Variants in RASEF observed in about 807,000 individuals in gnomAD.
RASEF encodes RAS and EF-hand domain containing.
RASEF carries 68 observed loss-of-function variants against 90.1 expected under a neutral mutation model. That is an observed-to-expected ratio of 0.75 (90% confidence interval 0.62 to 0.92). The LOEUF (loss-of-function observed/expected upper bound fraction) is 0.92, where lower values mean the gene tolerates loss of function less well. Ranked by LOEUF, RASEF falls within the 40% of genes least tolerant of loss-of-function variation. The pLI, the probability that RASEF is intolerant of heterozygous loss-of-function variation, is 0.00. For missense variants in RASEF, 949 were observed against 937.2 expected (o/e 1.01, Z -0.16); for synonymous variants, 331 against 345.2 (o/e 0.96, Z 0.46).
chr9:82,985,157 C>G (rs145825580), intron 16 of RASEF, among the ~76,000 whole-genome samples: 2 of 152,068 alleles, frequency 1.3e-5, no homozygotes, highest in African/African-American at 4.8e-5. Flanking sequence ...TGTATTAGTT[C>G]GTTTTCACGC....
At chr9:83,035,004 A>C (rs779342131) in intron 1 of RASEF, among the ~76,000 whole-genome samples, 2 of 152,054 alleles carry the variant, frequency 1.3e-5, no homozygotes, top group Admixed American at 6.6e-5. Flanking sequence ...TCTCCTGTCC[A>C]TGTCTGGGTG....
intron 3 of RASEF, among the ~76,000 whole-genome samples, chr9:83,018,788 A>T (rs1401072443): frequency 1.3e-5 from 2 of 152,186 alleles, no homozygotes; most frequent in Non-Finnish European, 1.5e-5. Context: ...AGGTATCAAG[A>T]CAATGTAATA....
intron 2 of RASEF, 35 bp downstream of exon 2, chr9:83,025,740 C>T (rs937115509): frequency 1.2e-5 from 19 of 1,604,290 alleles, no homozygotes; most frequent in Admixed American, 1.7e-5. Context: ...AGTTAAAGCA[C>T]CCACAGGCCA....
At chr9:83,185,155 A>T in the RASEF span, among the ~76,000 whole-genome samples, 1 of 152,144 alleles carries the variant, frequency 6.6e-6, no homozygotes. Context: ...CACAGTGATC[A>T]TTTTTATCAT....
At chr9:83,055,961 T>G (rs1830095518) in intron 1 of RASEF, among the ~76,000 whole-genome samples, 1 of 152,172 alleles carries the variant, frequency 6.6e-6, no homozygotes, top group South Asian at 2.1e-4. Flanking sequence ...TAGAAACTCC[T>G]GAGTATTTAA....
At chr9:83,198,195 C>T in the RASEF span, among the ~76,000 whole-genome samples, 1 of 152,120 alleles carries the variant, frequency 6.6e-6, no homozygotes, top group East Asian at 1.9e-4. Context: ...GCAAAATTAC[C>T]CCAAAACATA....
intron 1 of RASEF, among the ~76,000 whole-genome samples, chr9:83,026,845 T>C (rs573668638): frequency 6.6e-6 from 1 of 152,268 alleles, no homozygotes; most frequent in South Asian, 2.1e-4. Flanking sequence ...AGATACCAAC[T>C]GAGTGTCCAA....
At chr9:83,146,890 T>G in the RASEF span, among the ~76,000 whole-genome samples, 1 of 152,022 alleles carries the variant, frequency 6.6e-6, no homozygotes, top group African/African-American at 2.4e-5. Flanking sequence ...ACCATCTTAG[T>G]ATAAATTATA....
At chr9:83,118,699 A>G in the RASEF span, among the ~76,000 whole-genome samples, 1 of 152,290 alleles carries the variant, frequency 6.6e-6, no homozygotes, top group African/African-American at 2.4e-5. Context: ...ATAGTTTCTT[A>G]TGGGAGATAA....
the RASEF span, among the ~76,000 whole-genome samples, chr9:83,142,274 T>G: frequency 6.6e-6 from 1 of 152,192 alleles, no homozygotes; most frequent in South Asian, 2.1e-4. Flanking sequence ...AAGGAAGAAA[T>G]TTTTGGAGAA....
chr9:83,169,568 TTTTTGTTTG>T, the RASEF span, among the ~76,000 whole-genome samples: 1 of 151,780 alleles, frequency 6.6e-6, no homozygotes. Flanking sequence ...TTGGTTGGTT[TTTTTGTTTG>T]TTTTGTTTGT....
chr9:83,011,561 A>AAAAC (rs1554707064), intron 5 of RASEF, among the ~76,000 whole-genome samples: 3 of 149,828 alleles, frequency 2.0e-5, no homozygotes, highest in Non-Finnish European at 3.0e-5. Flanking sequence ...AAAAAAAAAA[A>AAAAC]AAAAAAAAAA....
At chr9:83,036,172 G>T (rs1829738073) in intron 1 of RASEF, among the ~76,000 whole-genome samples, 1 of 152,124 alleles carries the variant, frequency 6.6e-6, no homozygotes, top group Non-Finnish European at 1.5e-5. Flanking sequence ...TTCCTTTCAG[G>T]GGCAGGAAGC....
chr9:83,131,928 T>C, the RASEF span, among the ~76,000 whole-genome samples: 2 of 152,270 alleles, frequency 1.3e-5, no homozygotes, highest in African/African-American at 4.8e-5. Context: ...AATAATGGTC[T>C]AAAACAACAT....
At chr9:83,140,448 A>G in the RASEF span, among the ~76,000 whole-genome samples, 3 of 152,208 alleles carry the variant, frequency 2.0e-5, no homozygotes, top group Non-Finnish European at 2.9e-5. Context: ...TCTTTGGAGT[A>G]GCATTGAATG....
At chr9:83,091,012 T>C in the RASEF span, among the ~76,000 whole-genome samples, 1 of 152,126 alleles carries the variant, frequency 6.6e-6, no homozygotes, top group Non-Finnish European at 1.5e-5. Context: ...CTAAAATATC[T>C]AGAACCATTA....
chr9:82,995,071 T>C (rs1828889723), intron 14 of RASEF, among the ~76,000 whole-genome samples: 1 of 152,234 alleles, frequency 6.6e-6, no homozygotes, highest in African/African-American at 2.4e-5. Flanking sequence ...TTTTCATCCA[T>C]AACAAACTTA....
At chr9:83,003,301 T>C (rs1268086531) in intron 9 of RASEF, among the ~76,000 whole-genome samples, 1 of 152,154 alleles carries the variant, frequency 6.6e-6, no homozygotes, top group African/African-American at 2.4e-5. Context: ...GGCACATGAG[T>C]GCTACGTCAC....
the RASEF span, among the ~76,000 whole-genome samples, chr9:83,141,773 A>G: frequency 6.6e-6 from 1 of 152,208 alleles, no homozygotes; most frequent in Non-Finnish European, 1.5e-5. Flanking sequence ...GGGAGGGTCA[A>G]TAATTAGACT....
Sources: allele counts gnomAD v4.1 joint callset (sites outside exome capture counted in the v4.1 genomes callset), GRCh38; gene constraint gnomAD v4.1.1; transcripts MANE v1.5; gene names NCBI Gene and HGNC (gene_info 2026-07-23, HGNC 2026-07-21).